KCNQ1: variants seen among roughly 807,000 people sequenced by gnomAD.
KCNQ1 encodes potassium voltage-gated channel subfamily KQT member 1.
KCNQ1 carries 49 observed loss-of-function variants against 72.4 expected under a neutral mutation model. The ratio of observed to expected loss-of-function variants is 0.68; its 90% CI spans 0.54 to 0.86. The LOEUF (loss-of-function observed/expected upper bound fraction) is 0.86. Among genes scored for constraint, KCNQ1 ranks in the 40% least tolerant of loss-of-function variants. KCNQ1 has a pLI of 0.00. For synonymous variants in KCNQ1, 450 were observed against 412.6 expected, an observed-to-expected ratio of 1.09 and a Z score of -1.10; for missense variants, 790 against 945.1, an observed-to-expected ratio of 0.84 and a Z score of 2.15.
At chr11:2,605,865 C>T (rs1482109397) in intron 10 of KCNQ1, among the ~76,000 whole-genome samples, 1 of 152,170 alleles carries the variant, frequency 6.6e-6, no homozygotes, top group Non-Finnish European at 1.5e-5. Context: ...CAGCACGATT[C>T]CGGGAGTGTT....
Position 2,450,273 on chromosome 11 carries a change from C to G in KCNQ1, c.386+4789C>G, listed in dbSNP as rs1035390577. On this transcript the variant is annotated intron_variant, in intron 1 of 15. Transcript: ENST00000155840. The surrounding 1 kb of genome is among the most constrained non-coding windows in gnomAD (Gnocchi z 7.9). ...AGGGCGGTGATGCCAGGAGAACATT[C>G]CAGGCCCAGGAAGAGCTGAGAGACA... 6.6e-6 allele frequency among the ~76,000 whole-genome samples: 1 copy of G among 152,200 alleles called. No homozygotes were observed. The highest frequency in any genetic ancestry group is 1.5e-5 in the Non-Finnish European group (1 of 68,028).
intron 6 of KCNQ1, among the ~76,000 whole-genome samples, chr11:2,574,733 C>A (rs1298806731): frequency 6.6e-6 from 1 of 152,226 alleles, no homozygotes; most frequent in East Asian, 1.9e-4. Context: ...CTGACGTAGG[C>A]CAAGTCAGCA....
chr11:2,769,282 C>T lies in KCNQ1; in HGVS notation c.1590+363C>T, dbSNP rs895484989. ...ACATCAGAATGACTCAGAGATGGTGCGGAGCCTGCCCTGAGTCACCAAGCT... is the reference window on the plus strand; with the variant it reads ...ACATCAGAATGACTCAGAGATGGTGTGGAGCCTGCCCTGAGTCACCAAGCT... On this transcript the variant is annotated intron_variant, in intron 12 of 15. Coordinates refer to ENST00000155840, the MANE Select transcript of KCNQ1 (RefSeq NM_000218.3). This position sits in a 1 kb window ranked among gnomAD's most constrained non-coding sequence, Gnocchi z 4.6. Among the ~76,000 whole-genome samples, 2 of 152,172 alleles carry T rather than the reference C, an allele frequency of 1.3e-5. No individual in the cohort carries two copies. The highest frequency in any genetic ancestry group is 2.4e-5 in the African/African-American group (1 of 41,444).
At chr11:2,585,687 A>G (rs769691626) in intron 8 of KCNQ1, among the ~76,000 whole-genome samples, 23 of 152,330 alleles carry the variant, frequency 1.5e-4, no homozygotes, top group Non-Finnish European at 2.9e-4. Flanking sequence ...CAAGGGAGGT[A>G]GGACCCAGCT....
intron 2 of KCNQ1, among the ~76,000 whole-genome samples, chr11:2,540,488 T>C (rs1847806787): frequency 6.6e-6 from 1 of 152,180 alleles, no homozygotes; most frequent in Non-Finnish European, 1.5e-5. Flanking sequence ...GGTATAAAAC[T>C]GGCCAACGGG....
intron 15 of KCNQ1, among the ~76,000 whole-genome samples, chr11:2,811,966 A>G (rs773230589): frequency 1.1e-4 from 16 of 152,014 alleles, no homozygotes; most frequent in Non-Finnish European, 2.2e-4. Flanking sequence ...CCCCAGGCAG[A>G]CCCCACGCCC....
At chr11:2,837,828 G>A (rs942465237) in intron 15 of KCNQ1, among the ~76,000 whole-genome samples, 3 of 152,234 alleles carry the variant, frequency 2.0e-5, no homozygotes, top group African/African-American at 4.8e-5. Flanking sequence ...GAAGGGCGGC[G>A]CCCAGGGGGC....
At chr11:2,455,793 C>T (rs565466743) in intron 1 of KCNQ1, among the ~76,000 whole-genome samples, 55 of 152,336 alleles carry the variant, frequency 3.6e-4, no homozygotes, top group African/African-American at 1.3e-3. Flanking sequence ...TACCTGACTT[C>T]AAACTATACT....
rs1848393287 is a variant in KCNQ1, at chr11:2,848,655, GC to G, written c.*655del. 2 of 451,288 alleles carry G rather than the reference GC, an allele frequency of 4.4e-6. No individual in the cohort carries two copies. Among genetic ancestry groups the G allele is most frequent in the African/African-American group, 4.0e-5 (2 of 49,964 alleles). 28.0% of individuals were successfully genotyped at this position (451,288 alleles called of 1,614,324 possible). On this transcript the variant is annotated 3_prime_UTR_variant, in exon 16 of 16. Coordinates refer to ENST00000155840, the MANE Select transcript of KCNQ1 (RefSeq NM_000218.3). ...GGGCACGTGGTTGAGTGGGGGGAACGCCCACTTCCCTGGGTTAGACTGCCAG... is the reference window on the plus strand; with the variant it reads ...GGGCACGTGGTTGAGTGGGGGGAACGCCACTTCCCTGGGTTAGACTGCCAG...
Position 2,651,379 on chromosome 11 carries a change from G to T in KCNQ1, c.1394-10582G>T. 2 of 398,728 alleles carry T rather than the reference G, an allele frequency of 5.0e-6. No homozygotes were observed. Among genetic ancestry groups the T allele is most frequent in the Non-Finnish European group, 8.8e-6 (2 of 226,148 alleles). The allele number at this position is 398,728 out of a possible 1,614,324, so 24.7% of individuals were successfully genotyped here. A position where few individuals can be genotyped will look rare whatever the true frequency, so the allele number is the denominator to read the frequency against. On this transcript the variant is annotated intron_variant, in intron 10 of 15. Transcript: ENST00000155840. The surrounding 1 kb of genome is among the most constrained non-coding windows in gnomAD (Gnocchi z 6.1). ...TATTTATCTTTCACTAGTGAGTGCT[G>T]CCCCGGTGGTGGCTCACTTTCCATT...
chr11:2,808,465 A>G lies in KCNQ1; in HGVS notation c.1794+30428A>G, dbSNP rs1174127824. Among the ~76,000 whole-genome samples the G allele has an allele frequency of 6.6e-6, 1 of 152,236 alleles. No homozygotes were observed. Among genetic ancestry groups the G allele is most frequent in the Non-Finnish European group, 1.5e-5 (1 of 68,046 alleles). ...CGAGGGAGGGGCATTTGAAAATAGC[A>G]TTCAGAGTTGCTATTAATAGGCTCT... is the stretch of plus-strand genomic sequence containing the variant. On this transcript the variant is annotated intron_variant, in intron 15 of 15. Transcript: ENST00000155840. This position sits in a 1 kb window ranked among gnomAD's most constrained non-coding sequence, Gnocchi z 6.0.
In KCNQ1 at chr11:2,720,726, A is replaced by G. The variant is rs1329414910; in HGVS notation, c.1515-48118A>G. On this transcript the variant is annotated intron_variant, in intron 11 of 15. Coordinates refer to ENST00000155840, the MANE Select transcript of KCNQ1 (RefSeq NM_000218.3). The surrounding 1 kb of genome is among the most constrained non-coding windows in gnomAD (Gnocchi z 5.1). The stretch of plus-strand genomic sequence containing the variant: ...TTTTGCAGGGCGGCTCCCAGAACCT[A>G]GGAGTCCATGCTACCTGTGGGGTTC... 2.6e-5 allele frequency among the ~76,000 whole-genome samples: 4 copies of G among 152,266 alleles called. No homozygotes were observed. The East Asian group carries it at 7.7e-4, about 29-fold the overall frequency.
chr11:2,608,875 C>T lies in KCNQ1; in HGVS notation c.1393+20021C>T, dbSNP rs1258731695. 1.3e-5 allele frequency: 5 copies of T among 398,228 alleles called. No homozygotes were observed. Among genetic ancestry groups the T allele is most frequent in the Non-Finnish European group, 1.8e-5 (4 of 226,014 alleles). The allele number at this position is 398,228 out of a possible 1,614,324, so 24.7% of individuals were successfully genotyped here. On this transcript the variant is annotated intron_variant, in intron 10 of 15. Coordinates refer to ENST00000155840, the MANE Select transcript of KCNQ1 (RefSeq NM_000218.3). The surrounding 1 kb of genome is among the most constrained non-coding windows in gnomAD (Gnocchi z 4.6). ...TCTCTCTCCCCCTTTGCCTCATGCA[C>T]TTCCCTCTCTGTCTTTCCTCCTCCC...
At position 2,526,319 on chromosome 11, in the gene KCNQ1, C is replaced by T. The variant is rs879303961; in HGVS notation, c.387-1609C>T. ...GGTGCAGACAGGGGCTGGCTGGGTT[C>T]GGCTCTGCAGGTAGAGCTGACCGGT... On this transcript the variant is annotated intron_variant, in intron 1 of 15. Coordinates refer to ENST00000155840, the MANE Select transcript of KCNQ1 (RefSeq NM_000218.3). This position sits in a 1 kb window ranked among gnomAD's most constrained non-coding sequence, Gnocchi z 6.1. Among the ~76,000 whole-genome samples the T allele has an allele frequency of 2.6e-5, 4 of 151,864 alleles. No individual in the cohort carries two copies. The highest frequency in any genetic ancestry group is 9.7e-5 in the African/African-American group (4 of 41,338).
At chr11:2,586,371 G>A (rs1848592635) in intron 8 of KCNQ1, among the ~76,000 whole-genome samples, 5 of 152,328 alleles carry the variant, frequency 3.3e-5, no homozygotes, top group Admixed American at 1.3e-4. Flanking sequence ...TGGTTTTATG[G>A]CTTCACAGTT....
At chr11:2,456,316 TTAAAAA>T (rs1446186607) in intron 1 of KCNQ1, among the ~76,000 whole-genome samples, 1 of 149,778 alleles carries the variant, frequency 6.7e-6, no homozygotes, top group Admixed American at 6.6e-5. Flanking sequence ...AAAAAAAAAA[TTAAAAA>T]AGATTAGATG....
intron 15 of KCNQ1, among the ~76,000 whole-genome samples, chr11:2,831,458 G>A (rs1036172734): frequency 2.6e-5 from 4 of 152,070 alleles, no homozygotes; most frequent in Middle Eastern, 3.2e-3. Flanking sequence ...CCCTGACTGT[G>A]GAGACACAAG....
intron 2 of KCNQ1, among the ~76,000 whole-genome samples, chr11:2,568,845 A>C (rs555699329): frequency 6.6e-6 from 1 of 152,142 alleles, no homozygotes. Flanking sequence ...CAGAGCCTGC[A>C]GGTGTCCACA....
rs1243071097 is a variant in KCNQ1 at position 2,471,971 on chromosome 11, T to G, written c.386+26487T>G. ...GTAGGTGTGTGTTCATATATATGGG[T>G]GTGTGTGCACCTATGTGTATAAGTG... On this transcript the variant is annotated intron_variant, in intron 1 of 15. Coordinates refer to ENST00000155840, the MANE Select transcript of KCNQ1 (RefSeq NM_000218.3). The surrounding 1 kb of genome is among the most constrained non-coding windows in gnomAD (Gnocchi z 4.8). 6.6e-6 allele frequency among the ~76,000 whole-genome samples: 1 copy of G among 151,316 alleles called. No individual in the cohort carries two copies. Among genetic ancestry groups the G allele is most frequent in the Admixed American group, 6.6e-5 (1 of 15,224 alleles).
Sources: gnomAD v4.1 joint callset for allele counts (sites outside exome capture counted in the v4.1 genomes callset) on GRCh38, gnomAD v4.1.1 for gene constraint, Gnocchi (gnomAD v3.1) non-coding constraint, MANE v1.5 for transcripts, NCBI Gene and HGNC (gene_info 2026-07-23, HGNC 2026-07-21) for gene names.